Variants in PCED1B observed in about 807,000 individuals in gnomAD.
PCED1B encodes the protein PC-esterase domain containing 1B.
For synonymous variants in PCED1B, 251 were observed against 246.1 expected (o/e 1.02, Z -0.19); for missense variants, 573 against 573.9 (o/e 1.00, Z 0.02).
intron 2 of PCED1B, among the ~76,000 whole-genome samples, chr12:47,109,962 G>A (rs553770865): frequency 6.6e-6 from 1 of 152,128 alleles, no homozygotes; most frequent in South Asian, 2.1e-4. Flanking sequence ...GTTGAAATTT[G>A]GGCAGTATAT....
At chr12:47,229,332 T>G (rs1407645228) in intron 3 of PCED1B, among the ~76,000 whole-genome samples, 1 of 151,510 alleles carries the variant, frequency 6.6e-6, no homozygotes, top group African/African-American at 2.4e-5. Context: ...GAGAATCGCT[T>G]GAACCCAAGA....
intron 2 of PCED1B, among the ~76,000 whole-genome samples, chr12:47,204,785 G>A (rs1414099308): frequency 1.3e-5 from 2 of 152,088 alleles, no homozygotes; most frequent in Non-Finnish European, 2.9e-5. Context: ...CTACAGATGG[G>A]CCATAACATT....
At chr12:47,106,842 C>T (rs1301550035) in intron 2 of PCED1B, among the ~76,000 whole-genome samples, 1 of 152,048 alleles carries the variant, frequency 6.6e-6, no homozygotes, top group East Asian at 1.9e-4. Context: ...TGCTTTCCTC[C>T]ACCTCTGGCA....
At chr12:47,118,419 T>C (rs1007403380) in intron 2 of PCED1B, among the ~76,000 whole-genome samples, 9 of 152,222 alleles carry the variant, frequency 5.9e-5, no homozygotes, top group African/African-American at 2.2e-4. Flanking sequence ...GGCTAGCCAG[T>C]TTTCCCAGCA....
At chr12:47,171,804 C>CTT (rs1430450973) in intron 2 of PCED1B, among the ~76,000 whole-genome samples, 1 of 151,952 alleles carries the variant, frequency 6.6e-6, no homozygotes, top group Non-Finnish European at 1.5e-5. Flanking sequence ...TCTTCTTCTT[C>CTT]TTCTTTTTTT....
At chr12:47,119,412 A>G (rs1939575335) in intron 2 of PCED1B, among the ~76,000 whole-genome samples, 1 of 152,052 alleles carries the variant, frequency 6.6e-6, no homozygotes, top group African/African-American at 2.4e-5. Context: ...AAGCTTTTTG[A>G]CTGGGCATGG....
chr12:47,226,585 G>A (rs943389624), intron 3 of PCED1B, among the ~76,000 whole-genome samples: 3 of 152,164 alleles, frequency 2.0e-5, no homozygotes, highest in Non-Finnish European at 2.9e-5. Flanking sequence ...ATGTTGGCCA[G>A]GCTGGTCTTG....
chr12:47,148,807 A>G (rs2137441022), intron 2 of PCED1B, among the ~76,000 whole-genome samples: 1 of 152,358 alleles, frequency 6.6e-6, no homozygotes, highest in African/African-American at 2.4e-5. Context: ...ATTTTGGTGC[A>G]GCTGACTAGA....
chr12:47,202,584 T>C (rs1450686023), intron 2 of PCED1B, among the ~76,000 whole-genome samples: 2 of 111,150 alleles, frequency 1.8e-5, no homozygotes, highest in Non-Finnish European at 3.4e-5. Flanking sequence ...CCTTCACGTC[T>C]AGACATTAGT....
chr12:47,202,140 G>A (rs1942783149), intron 2 of PCED1B, among the ~76,000 whole-genome samples: 3 of 152,118 alleles, frequency 2.0e-5, no homozygotes, highest in Non-Finnish European at 2.9e-5. Context: ...TTCAGGCTTC[G>A]AGAACCTGAT....
At chr12:47,132,389 T>C (rs1012356761) in intron 2 of PCED1B, among the ~76,000 whole-genome samples, 1 of 152,082 alleles carries the variant, frequency 6.6e-6, no homozygotes, top group African/African-American at 2.4e-5. Context: ...AAAGTAAGGT[T>C]CTAATAAAAT....
intron 3 of PCED1B, among the ~76,000 whole-genome samples, chr12:47,217,348 A>G (rs1031812731): frequency 6.6e-6 from 1 of 151,362 alleles, no homozygotes; most frequent in Non-Finnish European, 1.5e-5. Context: ...GCAGTGAGCC[A>G]TGATTTCGCC....
At chr12:47,146,780 T>C (rs1940801595) in intron 2 of PCED1B, among the ~76,000 whole-genome samples, 1 of 152,246 alleles carries the variant, frequency 6.6e-6, no homozygotes, top group Admixed American at 6.5e-5. Context: ...ATTTACTTTA[T>C]TGTGATATTT....
At chr12:47,166,388 T>A (rs992211630) in intron 2 of PCED1B, among the ~76,000 whole-genome samples, 1 of 152,204 alleles carries the variant, frequency 6.6e-6, no homozygotes, top group Admixed American at 6.5e-5. Flanking sequence ...TCCATACTGG[T>A]TTGTCTTTAT....
At chr12:47,148,090 C>A (rs1470776706) in intron 2 of PCED1B, among the ~76,000 whole-genome samples, 11 of 152,096 alleles carry the variant, frequency 7.2e-5, no homozygotes, top group Admixed American at 6.5e-5. Context: ...GCTATGCCAT[C>A]GCATGGTGGA....
At chr12:47,091,457 A>G (rs1176024988) in intron 1 of PCED1B, among the ~76,000 whole-genome samples, 1 of 152,118 alleles carries the variant, frequency 6.6e-6, no homozygotes, top group East Asian at 1.9e-4. Context: ...TTTGCATTGG[A>G]TATAAATTAA....
Position 47,235,819 on chromosome 12 carries a change from G to C in PCED1B, c.756G>C (p.Trp252Cys). 1 of 1,576,470 alleles carries C rather than the reference G, an allele frequency of 6.3e-7. No homozygotes were observed. Among genetic ancestry groups the C allele is most frequent in the Non-Finnish European group, 8.6e-7 (1 of 1,161,152 alleles). Residue 252 changes from tryptophan to cysteine, a missense_variant, in exon 4 of 4, where the codon TGG (tryptophan) becomes TGC (cysteine). Coordinates refer to ENST00000546455, the MANE Select transcript of PCED1B (RefSeq NM_138371.3). ...QLLLAHVADA[W>C]GVELPHRHPV... is the part of the protein sequence containing the mutation. Reference sequence around the variant, plus strand: ...TGCTGGCCCACGTGGCCGACGCCTGGGGTGTGGAGCTGCCCCACCGCCACC... The same window carrying C: ...TGCTGGCCCACGTGGCCGACGCCTGCGGTGTGGAGCTGCCCCACCGCCACC...
At chr12:47,196,798 C>T (rs1457617827) in intron 2 of PCED1B, among the ~76,000 whole-genome samples, 1 of 151,790 alleles carries the variant, frequency 6.6e-6, no homozygotes, top group Non-Finnish European at 1.5e-5. Flanking sequence ...GCACTCCAGC[C>T]TGGGCAAAAG....
intron 2 of PCED1B, among the ~76,000 whole-genome samples, chr12:47,157,823 C>T (rs1941244251): frequency 6.6e-6 from 1 of 152,152 alleles, no homozygotes; most frequent in East Asian, 1.9e-4. Flanking sequence ...CTGCTAGTTC[C>T]TGACAACCAG....
Sources: allele counts gnomAD v4.1 joint callset (sites outside exome capture counted in the v4.1 genomes callset), GRCh38; gene constraint gnomAD v4.1.1; transcripts MANE v1.5; gene names NCBI Gene and HGNC (gene_info 2026-07-23, HGNC 2026-07-21).